Variants in IFT80 observed in about 807,000 individuals in gnomAD.
IFT80 encodes intraflagellar transport protein 80 homolog.
A neutral mutation model predicts 107.9 loss-of-function variants in IFT80; 79 were observed. The observed-to-expected ratio is 0.73, with a 90% confidence interval of 0.61 to 0.88. The LOEUF (loss-of-function observed/expected upper bound fraction) is 0.88, where lower values mean the gene tolerates loss of function less well. IFT80 is among the 40% of genes least tolerant of loss of function. The pLI is 0.00. For synonymous variants in IFT80, 299 were observed against 300.9 expected, an observed-to-expected ratio of 0.99 and a Z score of 0.07; for missense variants, 797 against 914.2, an observed-to-expected ratio of 0.87 and a Z score of 1.65.
chr3:160,291,032 A>G (rs1002440472), intron 12 of IFT80, among the ~76,000 whole-genome samples: 5 of 152,234 alleles, frequency 3.3e-5, no homozygotes, highest in Non-Finnish European at 5.9e-5. Flanking sequence ...AATCAATAAG[A>G]TTACTCTAGT....
intron 8 of IFT80, among the ~76,000 whole-genome samples, chr3:160,337,522 G>C (rs1007775855): frequency 2.9e-4 from 44 of 152,086 alleles, no homozygotes; most frequent in African/African-American, 1.1e-3. Context: ...CTACTGGGGA[G>C]GCTGAGGCAG....
In IFT80 at chr3:160,388,069, T is replaced by C. The variant is rs113995697; in HGVS notation, c.-46-3423A>G. Among the ~76,000 whole-genome samples, 1,160 of 152,312 alleles carry C rather than the reference T, an allele frequency of 7.6e-3. 11 individuals carry two copies. Among genetic ancestry groups the C allele is most frequent in the Non-Finnish European group, 9.2e-3 (628 of 68,032 alleles). ...GATTTATTTGTGGACATTTTAATGA[T>C]GTCAAGATAATGACAAGAATAGTAG... is the stretch of plus-strand genomic sequence containing the variant. On this transcript the variant is annotated intron_variant, in intron 1 of 19. Transcript: ENST00000326448.
At chr3:160,308,319 A>C (rs1410386578) in intron 9 of IFT80, among the ~76,000 whole-genome samples, 2 of 152,154 alleles carry the variant, frequency 1.3e-5, no homozygotes, top group African/African-American at 4.8e-5. Flanking sequence ...TTCCATATGC[A>C]AAAACACAAA....
intron 8 of IFT80, among the ~76,000 whole-genome samples, chr3:160,331,358 C>G (rs186734007): frequency 6.6e-6 from 1 of 152,240 alleles, no homozygotes; most frequent in Non-Finnish European, 1.5e-5. Context: ...CTGCTCAGAA[C>G]AGTGTGCAAT....
intron 1 of IFT80, among the ~76,000 whole-genome samples, chr3:160,398,702 C>G (rs1448313571): frequency 2.0e-5 from 3 of 152,132 alleles, no homozygotes; most frequent in African/African-American, 7.2e-5. Context: ...GCCAAACTTG[C>G]TTACTAATTC....
intron 12 of IFT80, among the ~76,000 whole-genome samples, chr3:160,289,485 C>G (rs1052406914): frequency 6.6e-6 from 1 of 151,750 alleles, no homozygotes; most frequent in Non-Finnish European, 1.5e-5. Flanking sequence ...TTTAAAGAAA[C>G]GAGGTGAAAA....
chr3:160,352,241 G>C (rs1262337410), intron 8 of IFT80, among the ~76,000 whole-genome samples: 1 of 151,656 alleles, frequency 6.6e-6, no homozygotes, highest in Non-Finnish European at 1.5e-5. Context: ...TGATCTGCCT[G>C]CCTCGGCCTC....
chr3:160,282,379 C>G (rs988389607), intron 14 of IFT80, 99 bp downstream of exon 14: 1 of 886,664 alleles, frequency 1.1e-6, no homozygotes, highest in African/African-American at 1.7e-5. Flanking sequence ...ATTACAAGAT[C>G]AAAACATTAA....
intron 18 of IFT80, among the ~76,000 whole-genome samples, chr3:160,276,579 T>C (rs1013285443): frequency 5.9e-5 from 9 of 152,180 alleles, no homozygotes; most frequent in African/African-American, 2.2e-4. Flanking sequence ...CTGGGAGACA[T>C]GTACCTGAGA....
Position 160,377,522 on chromosome 3 carries a change from G to A in IFT80, c.278C>T (p.Ser93Phe). The change falls in exon 4 of 20, where the codon TCC (serine) becomes TTC (phenylalanine). Residue 93 changes from serine to phenylalanine, a missense_variant. By Grantham distance (155) the Ser-to-Phe change is radical (BLOSUM62 -2). Transcript: ENST00000326448. ...ACTTTTTTCCACTCTTCCTAACTTGGAAATCAGATGAAATTTACCTGAAAG... is the reference window on the plus strand; with the variant it reads ...ACTTTTTTCCACTCTTCCTAACTTGAAAATCAGATGAAATTTACCTGAAAG... ...TSSDGKFHLI[S>F]KLGRVEKSVE... 6.3e-7 allele frequency: 1 copy of A among 1,593,752 alleles called. No individual in the cohort carries two copies. The highest frequency in any genetic ancestry group is 8.6e-7 in the Non-Finnish European group (1 of 1,163,906).
At chr3:160,395,306 T>C (rs1052965368) in intron 1 of IFT80, among the ~76,000 whole-genome samples, 5 of 152,228 alleles carry the variant, frequency 3.3e-5, no homozygotes, top group African/African-American at 1.2e-4. Flanking sequence ...AAATTAGTTA[T>C]GATGATTAAA....
At chr3:160,373,272 C>T (rs928288688) in intron 5 of IFT80, among the ~76,000 whole-genome samples, 1 of 152,146 alleles carries the variant, frequency 6.6e-6, no homozygotes, top group East Asian at 1.9e-4. Flanking sequence ...GCTCAGAGGT[C>T]ATCTATTTGT....
At chr3:160,285,942 T>C (rs1243400790) in intron 12 of IFT80, 74 bp from the exon 13 acceptor site, 2 of 1,021,432 alleles carry the variant, frequency 2.0e-6, no homozygotes, top group South Asian at 2.7e-5. Flanking sequence ...GAAACTATTA[T>C]AATCCTTATA....
At chr3:160,395,598 C>T (rs1420323486) in intron 1 of IFT80, among the ~76,000 whole-genome samples, 1 of 152,198 alleles carries the variant, frequency 6.6e-6, no homozygotes, top group East Asian at 1.9e-4. Context: ...GGAAGAGAAA[C>T]TCTCATTCCC....
chr3:160,336,456 C>T (rs1323055076), intron 8 of IFT80, among the ~76,000 whole-genome samples: 1 of 151,976 alleles, frequency 6.6e-6, no homozygotes, highest in Admixed American at 6.6e-5. Context: ...GCTGAATTTA[C>T]AAGAAAAAAT....
rs116333241 is a variant in IFT80, at chr3:160,283,233, A to G, written c.1381-620T>C. On this transcript the variant is annotated intron_variant, in intron 13 of 19. Transcript: ENST00000326448. ...CTTGCAACTCAGACTTCTAACTCCA[A>G]GATCACTGCTTTTCATTTGCTAGTG... Among the ~76,000 whole-genome samples the G allele has an allele frequency of 4.8e-3, 724 of 152,288 alleles. 7 individuals carry two copies. The highest frequency in any genetic ancestry group is 0.016 in the African/African-American group (682 of 41,568).
intron 8 of IFT80, among the ~76,000 whole-genome samples, chr3:160,324,949 AAT>A (rs1341324869): frequency 1.3e-5 from 2 of 150,486 alleles, no homozygotes; most frequent in East Asian, 1.9e-4. Context: ...ATACAAAATC[AAT>A]GTACAAAAAT....
intron 8 of IFT80, among the ~76,000 whole-genome samples, chr3:160,340,777 T>A (rs1023448273): frequency 2.0e-5 from 3 of 152,200 alleles, no homozygotes; most frequent in African/African-American, 4.8e-5. Flanking sequence ...AGTTTTAGCA[T>A]CTGAAGGTCC....
intron 11 of IFT80, among the ~76,000 whole-genome samples, chr3:160,301,418 G>T (rs1576775342): frequency 6.6e-6 from 1 of 151,750 alleles, no homozygotes; most frequent in African/African-American, 2.4e-5. Flanking sequence ...TTAATGCCGG[G>T]TGCTATTTGT....
Sources: allele counts gnomAD v4.1 joint callset (sites outside exome capture counted in the v4.1 genomes callset), GRCh38; gene constraint gnomAD v4.1.1; transcripts MANE v1.5; gene names NCBI Gene and HGNC (gene_info 2026-07-23, HGNC 2026-07-21).